Variants in PIGX observed in about 807,000 individuals in gnomAD.
PIGX encodes GPI alpha-1,4-mannosyltransferase I, stabilizing subunit.
A neutral mutation model predicts 28.7 loss-of-function variants in PIGX; 24 were observed. The ratio of observed to expected loss-of-function variants is 0.84; its 90% CI spans 0.60 to 1.17. The LOEUF (loss-of-function observed/expected upper bound fraction) is 1.17. Ranked by LOEUF, PIGX falls within the 50% of genes most tolerant of loss-of-function variation. PIGX has a pLI of 0.00. For missense variants in PIGX, 305 were observed against 317.8 expected (o/e 0.96, Z 0.31); for synonymous variants, 127 against 121.0 (o/e 1.05, Z -0.33).
At chr3:196,731,937 T>A (rs73072744) in intron 5 of PIGX, among the ~76,000 whole-genome samples, 2,417 of 151,576 alleles carry the variant, frequency 0.016, 53 homozygotes, top group African/African-American at 0.055. Flanking sequence ...TCAGTTCTCC[T>A]GTCTCAGCCT....
chr3:196,716,761 G>A (rs1712112057), intron 1 of PIGX, 97 bp from the exon 2 acceptor site: 1 of 516,586 alleles, frequency 1.9e-6, no homozygotes, highest in Admixed American at 4.1e-5. Context: ...GATTTTCTAG[G>A]CAAGTAAAGC....
rs376536111 is a variant in PIGX, at chr3:196,716,930, C to T, written c.176+9C>T. ...AAAGATGGTTTCCACAGGTAAGTTG[C>T]CTGTTGATTTCTATTTCTATTAAAA... On this transcript the variant is annotated intron_variant, in intron 2 of 5. Transcript: ENST00000392391. 1.4e-5 allele frequency: 21 copies of T among 1,523,890 alleles called. No individual in the cohort carries two copies. The highest frequency in any genetic ancestry group is 1.7e-4 in the Middle Eastern group (1 of 5,880). 94.4% of individuals were successfully genotyped at this position (1,523,890 alleles called of 1,614,324 possible). A position where few individuals can be genotyped will look rare whatever the true frequency, so the allele number is the denominator to read the frequency against.
chr3:196,726,162 G>T (rs1224713866), intron 3 of PIGX, among the ~76,000 whole-genome samples: 1 of 152,280 alleles, frequency 6.6e-6, no homozygotes, highest in South Asian at 2.1e-4. Flanking sequence ...ATGGTGGCGT[G>T]TGTCTATAGT....
chr3:196,730,747 CAAA>C (rs965830812), intron 4 of PIGX, among the ~76,000 whole-genome samples: 1,317 of 40,596 alleles, frequency 0.032, 6 homozygotes, highest in African/African-American at 0.1. Flanking sequence ...GACTCTGTCT[CAAA>C]AAAAAAAAAA....
rs1019510281 is a variant in PIGX, at chr3:196,712,427, C to T, written c.-106C>T. On this transcript the variant is annotated 5_prime_UTR_variant, in exon 1 of 6. Transcript: ENST00000392391. Reference sequence around the variant, plus strand: ...CGCGCACCCAGCACTCGGTCCCAGCCGATAAATCTGGGGCAGCGCGCGGTA... The same window carrying T: ...CGCGCACCCAGCACTCGGTCCCAGCTGATAAATCTGGGGCAGCGCGCGGTA... The T allele has an allele frequency of 4.5e-6, 2 of 446,514 alleles. No individual in the cohort carries two copies. Among genetic ancestry groups the T allele is most frequent in the Admixed American group, 5.3e-5 (1 of 18,804 alleles). The allele number at this position is 446,514 out of a possible 1,614,324, so 27.7% of individuals were successfully genotyped here.
intron 4 of PIGX, chr3:196,728,718 G>T: frequency 1.3e-6 from 1 of 766,376 alleles, no homozygotes; most frequent in South Asian, 1.3e-5. Context: ...CCAGAAGAAT[G>T]ATCAGATTCC....
chr3:196,726,767 T>C, intron 3 of PIGX: 1 of 450,110 alleles, frequency 2.2e-6, no homozygotes, highest in Non-Finnish European at 4.5e-6. Flanking sequence ...TGGTAAATGT[T>C]ATAGGTTAGT....
At chr3:196,714,064 G>A (rs9863919) in intron 1 of PIGX, among the ~76,000 whole-genome samples, 62,460 of 151,960 alleles carry the variant, frequency 0.41, 13,061 homozygotes, top group East Asian at 0.56. Context: ...GTACATACCA[G>A]TAGAATTTAA....
At chr3:196,718,007 T>A (rs1201129485) in intron 2 of PIGX, 2 of 151,478 alleles carry the variant, frequency 1.3e-5, no homozygotes, top group Non-Finnish European at 2.9e-5. Context: ...TCTGATTCAT[T>A]TATTTTTTTT....
intron 5 of PIGX, among the ~76,000 whole-genome samples, 195 bp downstream of exon 5, chr3:196,731,287 C>T (rs961796133): frequency 7.2e-5 from 11 of 152,084 alleles, no homozygotes; most frequent in Non-Finnish European, 1.6e-4. Context: ...AAGTGATTCT[C>T]CTGCCTCAGC....
chr3:196,722,081 C>T (rs899356236), intron 2 of PIGX, among the ~76,000 whole-genome samples: 1 of 152,148 alleles, frequency 6.6e-6, no homozygotes, highest in Non-Finnish European at 1.5e-5. Context: ...TGTAAATATC[C>T]AGTTGTTTCA....
chr3:196,730,747 CA>C (rs965830812), intron 4 of PIGX, among the ~76,000 whole-genome samples: 866 of 40,770 alleles, frequency 0.021, 1 homozygote, highest in African/African-American at 0.056. Context: ...GACTCTGTCT[CA>C]AAAAAAAAAA....
At chr3:196,713,329 TCTCA>T (rs770016107) in intron 1 of PIGX, among the ~76,000 whole-genome samples, 2 of 150,304 alleles carry the variant, frequency 1.3e-5, no homozygotes, top group Non-Finnish European at 3.0e-5. Context: ...TGAGATGGAG[TCTCA>T]CTCTGTTGCC....
chr3:196,735,294 C>CAAAAAAAAAAAAAAAAAAAAAAAAA lies in PIGX; in HGVS notation c.*1398_*1422dup, dbSNP rs60317348. The CAAAAAAAAAAAAAAAAAAAAAAAAA allele has an allele frequency of 4.4e-5, 2 of 45,234 alleles. No homozygotes were observed. 2.8% of individuals were successfully genotyped at this position (45,234 alleles called of 1,614,324 possible). A position where few individuals can be genotyped will look rare whatever the true frequency, so the allele number is the denominator to read the frequency against. ...TGGGCGACAGAGTGAGACTCTGTCTCAAAAAAAAAAAAAAAAAAAAAAAAA... is the reference window on the plus strand; with the variant it reads ...TGGGCGACAGAGTGAGACTCTGTCTCAAAAAAAAAAAAAAAAAAAAAAAAAAAAAAAAAAAAAAAAAAAAAAAAAA... On this transcript the variant is annotated 3_prime_UTR_variant, in exon 6 of 6. Coordinates refer to ENST00000392391, the MANE Select transcript of PIGX (RefSeq NM_017861.4).
chr3:196,714,396 C>G (rs1420411200), intron 1 of PIGX, among the ~76,000 whole-genome samples: 3 of 150,724 alleles, frequency 2.0e-5, no homozygotes, highest in Non-Finnish European at 4.4e-5. Flanking sequence ...CTCAGAAGTT[C>G]AAGGCTGCAG....
At chr3:196,725,681 G>A (rs1271233181) in intron 3 of PIGX, among the ~76,000 whole-genome samples, 1 of 152,148 alleles carries the variant, frequency 6.6e-6, no homozygotes, top group African/African-American at 2.4e-5. Context: ...TGATGCCAGG[G>A]AAAGAGCCAT....
At chr3:196,724,854 A>G (rs1379315256) in intron 3 of PIGX, among the ~76,000 whole-genome samples, 1 of 152,174 alleles carries the variant, frequency 6.6e-6, no homozygotes, top group African/African-American at 2.4e-5. Context: ...GGGTAGAAGG[A>G]ATTTATATGT....
intron 2 of PIGX, among the ~76,000 whole-genome samples, chr3:196,720,259 CTG>C (rs568831879): frequency 1.4e-4 from 22 of 152,322 alleles, no homozygotes; most frequent in African/African-American, 5.3e-4. Flanking sequence ...ATGCTTGTCT[CTG>C]TGAATTTGAC....
At chr3:196,714,827 C>A (rs1712022502) in intron 1 of PIGX, among the ~76,000 whole-genome samples, 1 of 152,134 alleles carries the variant, frequency 6.6e-6, no homozygotes, top group Admixed American at 6.5e-5. Context: ...CCTGTAATCC[C>A]AGCATTTTGG....
Sources: allele counts gnomAD v4.1 joint callset (sites outside exome capture counted in the v4.1 genomes callset), GRCh38; gene constraint gnomAD v4.1.1; transcripts MANE v1.5; gene names NCBI Gene and HGNC (gene_info 2026-07-23, HGNC 2026-07-21).